The following SEPTIN7 variants were observed in gnomAD, a reference collection of about 807,000 sequenced individuals.
SEPTIN7 encodes septin 7.
In SEPTIN7, 10 loss-of-function variants were observed where a neutral mutation model predicts 63.3. The observed-to-expected ratio is 0.16, with a 90% CI of 0.10 to 0.27. SEPTIN7 has a LOEUF of 0.27. Among genes scored for constraint, SEPTIN7 ranks in the 10% least tolerant of loss-of-function variants. The pLI, the probability that SEPTIN7 is intolerant of heterozygous loss-of-function variation, is 1.00. For missense variants in SEPTIN7, 310 were observed against 521.0 expected (o/e 0.59, Z 3.94); for synonymous variants, 131 against 165.3 (o/e 0.79, Z 1.59).
intron 1 of SEPTIN7, among the ~76,000 whole-genome samples, chr7:35,818,503 A>G (rs979225472): frequency 6.6e-5 from 10 of 151,960 alleles, no homozygotes; most frequent in East Asian, 3.9e-4. Flanking sequence ...ATCCTCTTCT[A>G]TTTCTTGGAC....
intron 1 of SEPTIN7, among the ~76,000 whole-genome samples, chr7:35,814,201 T>C (rs1269408614): frequency 1.3e-5 from 2 of 152,210 alleles, no homozygotes; most frequent in Admixed American, 6.5e-5. Context: ...ATTGCAAAAT[T>C]ATTTTGCAAT....
At chr7:35,893,680 T>C (rs1341305655) in intron 11 of SEPTIN7, among the ~76,000 whole-genome samples, 1 of 152,222 alleles carries the variant, frequency 6.6e-6, no homozygotes, top group East Asian at 1.9e-4. Flanking sequence ...TTGGGCACAC[T>C]GTAGAGTCTA....
At chr7:35,913,807 C>G in the SEPTIN7 span, among the ~76,000 whole-genome samples, 4 of 152,194 alleles carry the variant, frequency 2.6e-5, no homozygotes, top group Non-Finnish European at 5.9e-5. Context: ...CTAGTCCAGT[C>G]TCAAACTCCT....
At chr7:35,857,764 A>G (rs536890297) in intron 3 of SEPTIN7, among the ~76,000 whole-genome samples, 2 of 152,330 alleles carry the variant, frequency 1.3e-5, no homozygotes, top group South Asian at 2.1e-4. Context: ...TTTAAAGAGT[A>G]TTAAAAAAGC....
At chr7:35,870,461 A>T (rs1583594483) in intron 4 of SEPTIN7, among the ~76,000 whole-genome samples, 1 of 152,208 alleles carries the variant, frequency 6.6e-6, no homozygotes, top group Non-Finnish European at 1.5e-5. Context: ...TTGTTGTATC[A>T]CTTTCTAGTG....
At chr7:35,878,928 T>A (rs1356197302) in intron 6 of SEPTIN7, among the ~76,000 whole-genome samples, 1 of 152,194 alleles carries the variant, frequency 6.6e-6, no homozygotes, top group Non-Finnish European at 1.5e-5. Context: ...CAATTGAAGA[T>A]AATTGAAATC....
At chr7:35,912,302 C>T in the SEPTIN7 span, among the ~76,000 whole-genome samples, 2 of 152,260 alleles carry the variant, frequency 1.3e-5, no homozygotes, top group Admixed American at 1.3e-4. Flanking sequence ...TAAAGGCATT[C>T]TTAAACCACA....
At position 35,804,188 on chromosome 7, in the gene SEPTIN7, TAGAG is replaced by T. The variant is rs1226113014; in HGVS notation, c.61+2922_61+2925del. ...CTGTACTCCATGTAGCTCGCATGGT[TAGAG>T]AGATCTGAGGCCTACTCCTATTTGA... On this transcript the variant is annotated intron_variant, in intron 1 of 13. Transcript: ENST00000350320. Among the ~76,000 whole-genome samples the T allele has an allele frequency of 3.3e-5, 5 of 152,334 alleles. No individual in the cohort carries two copies. The East Asian group carries it at 5.8e-4, about 18-fold the overall frequency.
chr7:35,859,243 G>T (rs1204014384), intron 3 of SEPTIN7, among the ~76,000 whole-genome samples: 1 of 151,872 alleles, frequency 6.6e-6, no homozygotes, highest in Non-Finnish European at 1.5e-5. Context: ...AATTTCCCTT[G>T]TGATTTCTTT....
At chr7:35,808,144 A>G (rs1399881704) in intron 1 of SEPTIN7, among the ~76,000 whole-genome samples, 8 of 152,004 alleles carry the variant, frequency 5.3e-5, no homozygotes, top group Admixed American at 5.2e-4. Flanking sequence ...GTTTTTTTTA[A>G]TAGGTAATAT....
intron 9 of SEPTIN7, among the ~76,000 whole-genome samples, chr7:35,885,531 A>G (rs980873547): frequency 2.0e-5 from 3 of 152,114 alleles, no homozygotes; most frequent in Admixed American, 1.3e-4. Context: ...GAATAAATAT[A>G]TTTTTTACCA....
intron 1 of SEPTIN7, among the ~76,000 whole-genome samples, chr7:35,813,981 G>A (rs1195702647): frequency 1.3e-5 from 2 of 151,910 alleles, no homozygotes; most frequent in Non-Finnish European, 2.9e-5. Flanking sequence ...CATTAGTTTA[G>A]AACTTCAACA....
At chr7:35,879,703 C>T in intron 6 of SEPTIN7, 120 bp from the exon 7 acceptor site, 1 of 661,798 alleles carries the variant, frequency 1.5e-6, no homozygotes, top group Non-Finnish European at 2.8e-6. Flanking sequence ...AATACATCTT[C>T]AGAGTGTTTC....
intron 3 of SEPTIN7, among the ~76,000 whole-genome samples, chr7:35,840,746 A>G (rs1410474650): frequency 1.3e-5 from 2 of 152,184 alleles, no homozygotes; most frequent in African/African-American, 4.8e-5. Flanking sequence ...TTAAAGGTAC[A>G]TGAATACACT....
rs1314106828 is a variant in SEPTIN7, at chr7:35,863,714, GCACATGTTGTAA to G, written c.276+58_276+69del. On this transcript the variant is annotated intron_variant, in intron 4 of 13. Coordinates refer to ENST00000350320, the MANE Select transcript of SEPTIN7 (RefSeq NM_001788.6). ...CTGGAATAATATTAATACACACAAA[GCACATGTTGTAA>G]CTTTTATTAGGCTTCCTTAGAGGTA... 46 of 904,510 alleles carry G rather than the reference GCACATGTTGTAA, an allele frequency of 5.1e-5. No homozygotes were observed. In the East Asian group the frequency reaches 1.3e-3, roughly 25 times the overall value. The allele number at this position is 904,510 out of a possible 1,614,324, so 56.0% of individuals were successfully genotyped here.
intron 9 of SEPTIN7, 50 bp from the exon 10 acceptor site, chr7:35,885,778 G>T (rs1242809126): frequency 7.2e-7 from 1 of 1,395,080 alleles, no homozygotes; most frequent in South Asian, 1.2e-5. Flanking sequence ...TTTTTGAAAA[G>T]ACTAGGTTTA....
chr7:35,869,812 C>T (rs1786036484), intron 4 of SEPTIN7, among the ~76,000 whole-genome samples: 1 of 151,980 alleles, frequency 6.6e-6, no homozygotes. Flanking sequence ...GATACATGGA[C>T]GATAGCTTTA....
intron 9 of SEPTIN7, 64 bp downstream of exon 9, chr7:35,884,051 A>T (rs1240317281): frequency 2.0e-6 from 2 of 1,011,134 alleles, no homozygotes; most frequent in Non-Finnish European, 3.1e-6. Flanking sequence ...ATTTGTATTT[A>T]TAGTAAGTAG....
At chr7:35,843,007 CT>C (rs1784485256) in intron 3 of SEPTIN7, among the ~76,000 whole-genome samples, 1 of 152,134 alleles carries the variant, frequency 6.6e-6, no homozygotes, top group African/African-American at 2.4e-5. Context: ...CATTCCATCA[CT>C]GTAGGGGTCC....
Sources: allele counts gnomAD v4.1 joint callset (sites outside exome capture counted in the v4.1 genomes callset), GRCh38; gene constraint gnomAD v4.1.1; transcripts MANE v1.5; gene names NCBI Gene and HGNC (gene_info 2026-07-23, HGNC 2026-07-21).